Variants in DPH6 observed in about 807,000 individuals in gnomAD.
DPH6 encodes diphthamine biosynthesis 6, also known as diphthine--ammonia ligase.
In DPH6, 33 loss-of-function variants were observed where a neutral mutation model predicts 38.2. The observed-to-expected ratio is 0.86, with a 90% CI of 0.65 to 1.15. The LOEUF (loss-of-function observed/expected upper bound fraction) is 1.15. DPH6 is among the 50% of genes most tolerant of loss of function. DPH6 has a pLI of 0.00. For synonymous variants in DPH6, 108 were observed against 103.0 expected, an observed-to-expected ratio of 1.05 and a Z score of -0.30; for missense variants, 325 against 320.0, an observed-to-expected ratio of 1.02 and a Z score of -0.12.
chr15:35,265,449 A>G (rs1015217162), intron 3 of DPH6, among the ~76,000 whole-genome samples: 1 of 152,258 alleles, frequency 6.6e-6, no homozygotes, highest in Admixed American at 6.5e-5. Context: ...CATTTCTTCA[A>G]AGAAAGGAAT....
chr15:35,502,123 T>C (rs2054635378), intron 3 of DPH6, among the ~76,000 whole-genome samples: 1 of 152,112 alleles, frequency 6.6e-6, no homozygotes, highest in East Asian at 1.9e-4. Flanking sequence ...TCCTTAATTT[T>C]TACTGCTATT....
chr15:35,185,801 C>T, the DPH6 span, among the ~76,000 whole-genome samples: 12 of 141,128 alleles, frequency 8.5e-5, no homozygotes, highest in Non-Finnish European at 1.5e-4. Context: ...CTCAGCTCAT[C>T]GGCTCACTGC....
chr15:35,244,584 T>A (rs867332957), intron 3 of DPH6, among the ~76,000 whole-genome samples: 1 of 152,268 alleles, frequency 6.6e-6, no homozygotes. Flanking sequence ...GATGAAAAGT[T>A]AATGCTTATA....
At chr15:35,280,685 G>A (rs917845548) in intron 3 of DPH6, among the ~76,000 whole-genome samples, 2 of 152,104 alleles carry the variant, frequency 1.3e-5, no homozygotes, top group Admixed American at 6.5e-5. Context: ...TAAATTTCTA[G>A]AAGCGTTACT....
intron 3 of DPH6, among the ~76,000 whole-genome samples, chr15:35,274,920 C>T (rs1257892872): frequency 2.1e-5 from 3 of 145,654 alleles, no homozygotes; most frequent in South Asian, 2.2e-4. Context: ...ATAAATCATT[C>T]TTTTTTTTTT....
At chr15:35,427,729 C>G (rs149284482) in intron 5 of DPH6, among the ~76,000 whole-genome samples, 1 of 151,712 alleles carries the variant, frequency 6.6e-6, no homozygotes, top group East Asian at 1.9e-4. Context: ...TTACATGAAG[C>G]TTTAAACAAG....
chr15:35,388,013 T>A (rs886964460), intron 6 of DPH6, among the ~76,000 whole-genome samples: 4 of 152,152 alleles, frequency 2.6e-5, no homozygotes, highest in African/African-American at 7.2e-5. Context: ...TTGAGATATG[T>A]CCCATCAATA....
At chr15:35,512,552 GA>G (rs2054789618) in intron 3 of DPH6, among the ~76,000 whole-genome samples, 1 of 151,938 alleles carries the variant, frequency 6.6e-6, no homozygotes, top group South Asian at 2.1e-4. Context: ...ACAATAAGGG[GA>G]AAAAGTCACC....
intron 6 of DPH6, among the ~76,000 whole-genome samples, chr15:35,407,798 A>G (rs1240572303): frequency 6.6e-6 from 1 of 151,976 alleles, no homozygotes; most frequent in Non-Finnish European, 1.5e-5. Flanking sequence ...AATGAGACAG[A>G]GAATAGGAGA....
chr15:35,298,434 C>A (rs1490314026), intron 3 of DPH6: 1 of 749,620 alleles, frequency 1.3e-6, no homozygotes, highest in Non-Finnish European at 2.5e-6. Flanking sequence ...TCAAACAACA[C>A]ACTTTCCCCA....
intron 3 of DPH6, among the ~76,000 whole-genome samples, chr15:35,249,360 A>G (rs2051656499): frequency 6.6e-6 from 1 of 152,266 alleles, no homozygotes. Flanking sequence ...TACATATTTA[A>G]ATAAAAACAA....
chr15:35,494,506 A>G (rs1431742915), intron 3 of DPH6, among the ~76,000 whole-genome samples: 2 of 152,142 alleles, frequency 1.3e-5, no homozygotes, highest in Non-Finnish European at 2.9e-5. Flanking sequence ...TGATGACTAT[A>G]AACACCTGGA....
the DPH6 span, among the ~76,000 whole-genome samples, chr15:35,182,220 A>ATTTTTTTTTTTTTT: frequency 1.2e-5 from 1 of 86,012 alleles, no homozygotes; most frequent in African/African-American, 3.9e-5. Flanking sequence ...AACTCTAAGA[A>ATTTTTTTTTTTTTT]TTTTTTTTTT....
At chr15:35,509,533 A>T (rs2054739567) in intron 3 of DPH6, among the ~76,000 whole-genome samples, 1 of 152,198 alleles carries the variant, frequency 6.6e-6, no homozygotes, top group South Asian at 2.1e-4. Flanking sequence ...CAGTTTAGAG[A>T]CTTGTAACAT....
At chr15:35,438,058 G>C (rs2053739896) in intron 5 of DPH6, among the ~76,000 whole-genome samples, 1 of 151,980 alleles carries the variant, frequency 6.6e-6, no homozygotes, top group South Asian at 2.1e-4. Context: ...GATAATAAGG[G>C]ATTTAAATGG....
chr15:35,312,409 C>G (rs528213230), intron 3 of DPH6, among the ~76,000 whole-genome samples: 2 of 152,240 alleles, frequency 1.3e-5, no homozygotes, highest in South Asian at 4.2e-4. Flanking sequence ...TTAAAAACCC[C>G]AGGATCTCAA....
chr15:35,523,535 T>C (rs575122339), intron 3 of DPH6, among the ~76,000 whole-genome samples: 2 of 152,026 alleles, frequency 1.3e-5, no homozygotes, highest in Non-Finnish European at 2.9e-5. Context: ...AAAAGAAAAA[T>C]TAAAAACTGA....
At chr15:35,235,433 G>A (rs1302048439) in intron 3 of DPH6, among the ~76,000 whole-genome samples, 1 of 152,164 alleles carries the variant, frequency 6.6e-6, no homozygotes, top group East Asian at 1.9e-4. Flanking sequence ...CTCAATGTGT[G>A]TGCACAGGTC....
At chr15:35,542,550 C>A (rs1339805869) in intron 1 of DPH6, 43 bp from the exon 2 acceptor site, 3 of 1,479,464 alleles carry the variant, frequency 2.0e-6, no homozygotes, top group Non-Finnish European at 2.8e-6. Context: ...ATGCTACTGA[C>A]CATTATTCAA....
Sources: gnomAD v4.1 joint callset for allele counts (sites outside exome capture counted in the v4.1 genomes callset) on GRCh38, gnomAD v4.1.1 for gene constraint, MANE v1.5 for transcripts, NCBI Gene and HGNC (gene_info 2026-07-23, HGNC 2026-07-21) for gene names.